Variants in RABGAP1L observed in about 807,000 individuals in gnomAD.
RABGAP1L encodes rab GTPase-activating protein 1-like.
In RABGAP1L, 63 loss-of-function variants were observed where a neutral mutation model predicts 137.7. The ratio of observed to expected loss-of-function variants is 0.46; its 90% CI spans 0.37 to 0.56. RABGAP1L has a LOEUF of 0.56. RABGAP1L is among the 20% of genes least tolerant of loss of function. The pLI, the probability that RABGAP1L is intolerant of heterozygous loss-of-function variation, is 0.00. For synonymous variants in RABGAP1L, 431 were observed against 433.7 expected (o/e 0.99, Z 0.08); for missense variants, 1,095 against 1,244.0 (o/e 0.88, Z 1.80).
chr1:174,546,617 T>A (rs1666028556), intron 13 of RABGAP1L, among the ~76,000 whole-genome samples: 1 of 152,242 alleles, frequency 6.6e-6, no homozygotes, highest in Non-Finnish European at 1.5e-5. Flanking sequence ...CTTTTAAAGA[T>A]GCCTCTTTCA....
At chr1:174,963,247 A>G (rs1669325327) in intron 20 of RABGAP1L, among the ~76,000 whole-genome samples, 1 of 152,206 alleles carries the variant, frequency 6.6e-6, no homozygotes. Flanking sequence ...AGGATGGTTT[A>G]TATATGCCTA....
chr1:174,612,738 G>C (rs1240932547), intron 13 of RABGAP1L, among the ~76,000 whole-genome samples: 2 of 152,164 alleles, frequency 1.3e-5, no homozygotes, highest in Non-Finnish European at 2.9e-5. Flanking sequence ...TTCAGAGCCT[G>C]TTATTGGTCT....
chr1:174,796,407 G>C (rs1014117410), intron 18 of RABGAP1L, among the ~76,000 whole-genome samples: 2 of 152,174 alleles, frequency 1.3e-5, no homozygotes, highest in Non-Finnish European at 2.9e-5. Context: ...TCACTGAAAT[G>C]AGTGATGCTT....
At chr1:174,558,766 G>A (rs1667034992) in intron 13 of RABGAP1L, among the ~76,000 whole-genome samples, 1 of 152,096 alleles carries the variant, frequency 6.6e-6, no homozygotes, top group African/African-American at 2.4e-5. Context: ...ATTCCCGTGG[G>A]CATTATATGA....
chr1:174,377,352 A>G (rs1306998519), intron 12 of RABGAP1L, among the ~76,000 whole-genome samples: 2 of 152,168 alleles, frequency 1.3e-5, no homozygotes, highest in Non-Finnish European at 2.9e-5. Context: ...CAACAAGCTG[A>G]TTTTAAAATT....
At chr1:174,559,268 T>A (rs1295200679) in intron 13 of RABGAP1L, among the ~76,000 whole-genome samples, 1 of 152,176 alleles carries the variant, frequency 6.6e-6, no homozygotes, top group Non-Finnish European at 1.5e-5. Context: ...GTAATAAAAA[T>A]TTCAACTTTG....
chr1:174,932,230 T>C (rs1301288138), intron 19 of RABGAP1L, among the ~76,000 whole-genome samples: 1 of 151,644 alleles, frequency 6.6e-6, no homozygotes, highest in Non-Finnish European at 1.5e-5. Flanking sequence ...GGGATGTTTA[T>C]TCATTTATTT....
At chr1:174,610,996 T>G (rs552841157) in intron 13 of RABGAP1L, among the ~76,000 whole-genome samples, 235 of 150,958 alleles carry the variant, frequency 1.6e-3, no homozygotes, top group African/African-American at 4.3e-3. Flanking sequence ...TTTCTCCCAT[T>G]CTGTAGGTTG....
chr1:174,612,839 T>C (rs1329093435), intron 13 of RABGAP1L, among the ~76,000 whole-genome samples: 1 of 152,220 alleles, frequency 6.6e-6, no homozygotes, highest in East Asian at 1.9e-4. Context: ...CTAGTTTATT[T>C]GCGTAGAGGT....
chr1:174,222,189 A>G (rs2148473417), intron 3 of RABGAP1L, among the ~76,000 whole-genome samples: 1 of 152,280 alleles, frequency 6.6e-6, no homozygotes, highest in East Asian at 1.9e-4. Context: ...GACCAGTGAA[A>G]CCATTTTCTA....
intron 19 of RABGAP1L, among the ~76,000 whole-genome samples, chr1:174,880,587 C>G (rs371159811): frequency 7.0e-6 from 1 of 143,332 alleles, no homozygotes; most frequent in Non-Finnish European, 1.5e-5. Flanking sequence ...CTTCCTTCCT[C>G]CCTGCCTCTC....
chr1:174,306,978 G>T (rs1324488038), intron 11 of RABGAP1L, among the ~76,000 whole-genome samples: 2 of 151,884 alleles, frequency 1.3e-5, no homozygotes, highest in East Asian at 1.9e-4. Flanking sequence ...TTCTATGATT[G>T]CCATAAACAT....
At chr1:174,388,512 C>A (rs1341070856) in intron 12 of RABGAP1L, among the ~76,000 whole-genome samples, 1 of 151,688 alleles carries the variant, frequency 6.6e-6, no homozygotes, top group Non-Finnish European at 1.5e-5. Context: ...AGAGAGAAAA[C>A]ATTTGGGATA....
At chr1:174,642,481 G>T (rs1379600915) in intron 14 of RABGAP1L, among the ~76,000 whole-genome samples, 1 of 152,014 alleles carries the variant, frequency 6.6e-6, no homozygotes, top group Non-Finnish European at 1.5e-5. Context: ...GACATAGGGG[G>T]TATTTGTGAT....
intron 13 of RABGAP1L, among the ~76,000 whole-genome samples, chr1:174,586,177 T>C (rs985805070): frequency 1.3e-5 from 2 of 152,156 alleles, no homozygotes; most frequent in Admixed American, 6.5e-5. Flanking sequence ...ATATACACCA[T>C]TGAATACTAT....
At chr1:174,226,341 A>G (rs896615225) in intron 3 of RABGAP1L, among the ~76,000 whole-genome samples, 1 of 152,182 alleles carries the variant, frequency 6.6e-6, no homozygotes, top group African/African-American at 2.4e-5. Flanking sequence ...TGGGCGGATC[A>G]CTTGAGCTCA....
intron 13 of RABGAP1L, among the ~76,000 whole-genome samples, chr1:174,632,086 C>T (rs1673442930): frequency 1.6e-5 from 2 of 125,688 alleles, no homozygotes; most frequent in Admixed American, 1.6e-4. Flanking sequence ...TAGGGCAGGC[C>T]TGGTGGTGAC....
chr1:174,896,838 T>G (rs934264575), intron 19 of RABGAP1L: 2 of 152,224 alleles, frequency 1.3e-5, no homozygotes, highest in African/African-American at 4.8e-5. Flanking sequence ...TTTTGGTTAC[T>G]GTAGCCTTGT....
chr1:174,349,054 G>GGT (rs1323681686), intron 11 of RABGAP1L, among the ~76,000 whole-genome samples: 1 of 141,072 alleles, frequency 7.1e-6, no homozygotes, highest in Non-Finnish European at 1.6e-5. Context: ...CGGGGGGGGG[G>GGT]CTGACCCCCC....
Sources: gnomAD v4.1 joint callset for allele counts (sites outside exome capture counted in the v4.1 genomes callset) on GRCh38, gnomAD v4.1.1 for gene constraint, MANE v1.5 for transcripts, NCBI Gene and HGNC (gene_info 2026-07-23, HGNC 2026-07-21) for gene names.